Variants in RAD18 observed in about 807,000 individuals in gnomAD.
RAD18 encodes the protein E3 ubiquitin-protein ligase RAD18.
RAD18 carries 47 observed loss-of-function variants against 60.4 expected under a neutral mutation model. The observed-to-expected ratio is 0.78, with a 90% CI of 0.62 to 0.99. The LOEUF (loss-of-function observed/expected upper bound fraction) is 0.99. RAD18 is among the 50% of genes least tolerant of loss of function. The pLI, the probability that RAD18 is intolerant of heterozygous loss-of-function variation, is 0.00. For missense variants in RAD18, 640 were observed against 593.3 expected (o/e 1.08, Z -0.82); for synonymous variants, 225 against 195.5 (o/e 1.15, Z -1.26).
chr3:8,903,790 C>G (rs1939955167), intron 9 of RAD18, among the ~76,000 whole-genome samples: 1 of 152,142 alleles, frequency 6.6e-6, no homozygotes, highest in South Asian at 2.1e-4. Context: ...AACCATACTA[C>G]AAATGGTTAA....
rs545329590 is a variant in RAD18 at position 8,917,630 on chromosome 3, T to C, written c.890-3910A>G. Among the ~76,000 whole-genome samples the C allele has an allele frequency of 4.0e-5, 6 of 151,706 alleles. No homozygotes were observed. In the East Asian group the frequency reaches 1.2e-3, roughly 29 times the overall value. ...ACCCTAGAGAGAACACTAAAATTTT[T>C]TGAAAAAGAGGTAAAGTAATAAGAC... On this transcript the variant is annotated intron_variant, in intron 7 of 12. Transcript: ENST00000264926.
At chr3:8,910,600 C>T (rs1168705395) in intron 9 of RAD18, among the ~76,000 whole-genome samples, 1 of 112,432 alleles carries the variant, frequency 8.9e-6, no homozygotes, top group Non-Finnish European at 1.9e-5. Flanking sequence ...GCCTCCATCT[C>T]AAAAAAAAAA....
At chr3:8,958,851 G>T in intron 2 of RAD18, 69 bp downstream of exon 2, 1 of 1,166,206 alleles carries the variant, frequency 8.6e-7, no homozygotes, top group Non-Finnish European at 1.3e-6. Flanking sequence ...ACATATCTTT[G>T]GTGTTAAATT....
intron 9 of RAD18, among the ~76,000 whole-genome samples, chr3:8,905,197 A>G (rs1488500895): frequency 6.6e-6 from 1 of 152,238 alleles, no homozygotes; most frequent in Non-Finnish European, 1.5e-5. Flanking sequence ...TGGCTCAGCT[A>G]GTCGTGGGAG....
intron 7 of RAD18, among the ~76,000 whole-genome samples, chr3:8,924,112 C>T (rs1476210995): frequency 6.6e-6 from 1 of 152,122 alleles, no homozygotes; most frequent in Non-Finnish European, 1.5e-5. Context: ...AAGACACAGA[C>T]TGGCAAATTG....
chr3:8,914,663 T>C (rs1940165191), intron 7 of RAD18, among the ~76,000 whole-genome samples: 1 of 152,184 alleles, frequency 6.6e-6, no homozygotes, highest in Non-Finnish European at 1.5e-5. Context: ...CTTGATATTG[T>C]AAAATCAGTA....
At chr3:8,922,531 G>A (rs1559779223) in intron 7 of RAD18, among the ~76,000 whole-genome samples, 2 of 152,222 alleles carry the variant, frequency 1.3e-5, no homozygotes, top group East Asian at 3.9e-4. Context: ...ACCTCTGCAG[G>A]CTTAAATGTC....
chr3:8,923,766 T>A (rs1286893661), intron 7 of RAD18, among the ~76,000 whole-genome samples: 1 of 152,162 alleles, frequency 6.6e-6, no homozygotes, highest in Admixed American at 6.5e-5. Flanking sequence ...TATTCAGCAT[T>A]CTTAAAGAAA....
rs529022949 is a variant in RAD18, at chr3:8,879,264, A to T, written c.*2093T>A. 1 of 152,274 alleles carries T rather than the reference A, an allele frequency of 6.6e-6. No homozygotes were observed. The highest frequency in any genetic ancestry group is 2.4e-5 in the African/African-American group (1 of 41,554). The allele number at this position is 152,274 out of a possible 1,614,324, so 9.4% of individuals were successfully genotyped here. A position where few individuals can be genotyped will look rare whatever the true frequency, so the allele number is the denominator to read the frequency against. Reference sequence around the variant, plus strand: ...TTAACTGCCGGTATCTCAGAATGTGACAGTATTTAGAGATAGGGCCCTCTA... The same window carrying T: ...TTAACTGCCGGTATCTCAGAATGTGTCAGTATTTAGAGATAGGGCCCTCTA... On this transcript the variant is annotated 3_prime_UTR_variant, in exon 13 of 13. Transcript: ENST00000264926.
Position 8,912,383 on chromosome 3 carries a change from C to CA in RAD18, c.967-12dup, listed in dbSNP as rs778461934. The CA allele has an allele frequency of 3.3e-6, 5 of 1,504,648 alleles. No individual in the cohort carries two copies. The highest frequency in any genetic ancestry group is 2.9e-5 in the African/African-American group (2 of 70,138). The allele number at this position is 1,504,648 out of a possible 1,614,324, so 93.2% of individuals were successfully genotyped here. Reference sequence around the variant, plus strand: ...TGTAAAAACCATTACCTAAAATAATCAAAAAAAGACCTTAATAAAAATCTC... The same window carrying CA: ...TGTAAAAACCATTACCTAAAATAATCAAAAAAAAGACCTTAATAAAAATCTC... On this transcript the variant is annotated splice_polypyrimidine_tract_variant and intron_variant, in intron 8 of 12. Coordinates refer to ENST00000264926, the MANE Select transcript of RAD18 (RefSeq NM_020165.4).
intron 12 of RAD18, among the ~76,000 whole-genome samples, chr3:8,881,733 A>C (rs1310441935): frequency 2.0e-5 from 3 of 152,232 alleles, no homozygotes; most frequent in African/African-American, 7.2e-5. Flanking sequence ...GGGCTGGGAA[A>C]AAACGGCAAA....
At chr3:8,912,091 G>A (rs1940113557) in intron 9 of RAD18, among the ~76,000 whole-genome samples, 2 of 152,106 alleles carry the variant, frequency 1.3e-5, no homozygotes, top group Admixed American at 1.3e-4. Flanking sequence ...AGTGCTTAGT[G>A]ATAAGCTCAA....
intron 7 of RAD18, among the ~76,000 whole-genome samples, chr3:8,929,357 A>G (rs991105337): frequency 3.9e-5 from 6 of 152,170 alleles, no homozygotes; most frequent in African/African-American, 1.4e-4. Context: ...ACAATCAGGA[A>G]AAAAGAAGAC....
chr3:8,962,240 G>A (rs1004564314), intron 1 of RAD18, among the ~76,000 whole-genome samples: 5 of 152,192 alleles, frequency 3.3e-5, no homozygotes, highest in South Asian at 2.1e-4. Flanking sequence ...AGGTCATACA[G>A]TCAAGAGGCA....
Position 8,935,929 on chromosome 3 carries a change from C to T in RAD18, c.831G>A (p.Arg277=), listed in dbSNP as rs2125064808. ...TGTACATGTGTACAAATTCTTGGTG[C>T]CTTTTAATGAGCTGTTGTTTATTTC... ...IQGNKQQLIK[R]HQEFVHMYNA... The change falls in exon 7 of 13, where the codon AGG becomes AGA. Residue 277 remains arginine, a synonymous_variant. Coordinates refer to ENST00000264926, the MANE Select transcript of RAD18 (RefSeq NM_020165.4). 6.2e-7 allele frequency: 1 copy of T among 1,611,646 alleles called. No homozygotes were observed. The highest frequency in any genetic ancestry group is 8.5e-7 in the Non-Finnish European group (1 of 1,178,698).
intron 7 of RAD18, chr3:8,931,383 G>C (rs541164893): frequency 6.6e-6 from 1 of 152,148 alleles, no homozygotes; most frequent in Non-Finnish European, 1.5e-5. Flanking sequence ...GCCATACCAC[G>C]ACTGTGCATT....
At chr3:8,909,237 CA>C (rs1257842535) in intron 9 of RAD18, among the ~76,000 whole-genome samples, 3 of 152,084 alleles carry the variant, frequency 2.0e-5, no homozygotes, top group African/African-American at 4.8e-5. Context: ...TAGGCAGGTC[CA>C]GATACAGGAA....
At chr3:8,907,453 C>T (rs1940030192) in intron 9 of RAD18, among the ~76,000 whole-genome samples, 1 of 152,180 alleles carries the variant, frequency 6.6e-6, no homozygotes, top group Non-Finnish European at 1.5e-5. Context: ...GGCTAAACTC[C>T]ACCCTTAACC....
At chr3:8,941,336 G>A (rs1275128632) in intron 5 of RAD18, 131 bp downstream of exon 5, 6 of 786,354 alleles carry the variant, frequency 7.6e-6, no homozygotes, top group Non-Finnish European at 1.2e-5. Flanking sequence ...AACAATGTCT[G>A]AGGTTTGTGA....
Sources: allele counts gnomAD v4.1 joint callset (sites outside exome capture counted in the v4.1 genomes callset), GRCh38; gene constraint gnomAD v4.1.1; transcripts MANE v1.5; gene names NCBI Gene and HGNC (gene_info 2026-07-23, HGNC 2026-07-21).